AGAP1: variants seen among roughly 807,000 people sequenced by gnomAD.
AGAP1 encodes arf-GAP with GTPase, ANK repeat and PH domain-containing protein 1.
Under a neutral mutation model 105.3 loss-of-function variants are expected in AGAP1, and 29 were observed. The observed-to-expected ratio is 0.28, with a 90% CI of 0.21 to 0.38. AGAP1 has a LOEUF of 0.38. Among genes scored for constraint, AGAP1 ranks in the 10% least tolerant of loss-of-function variants. The pLI is 1.00. For synonymous variants in AGAP1, 509 were observed against 485.9 expected, an observed-to-expected ratio of 1.05 and a Z score of -0.63; for missense variants, 998 against 1,165.1, an observed-to-expected ratio of 0.86 and a Z score of 2.09.
chr2:235,709,465 C>T (rs373126657), intron 2 of AGAP1, among the ~76,000 whole-genome samples: 17 of 152,144 alleles, frequency 1.1e-4, no homozygotes, highest in East Asian at 7.8e-4. Context: ...TCAGCCAGGG[C>T]GGTGTCTCAT....
At chr2:235,952,902 A>G (rs948474381) in intron 12 of AGAP1, among the ~76,000 whole-genome samples, 1 of 152,190 alleles carries the variant, frequency 6.6e-6, no homozygotes, top group Non-Finnish European at 1.5e-5. Context: ...AAGCTGCCCT[A>G]TGGGCTGGGC....
chr2:235,956,018 G>A (rs1327349357), intron 12 of AGAP1, among the ~76,000 whole-genome samples: 1 of 152,154 alleles, frequency 6.6e-6, no homozygotes, highest in African/African-American at 2.4e-5. Flanking sequence ...GATCAAAGAG[G>A]GCTCCTACAT....
In AGAP1 at chr2:235,740,701, C is replaced by T. The variant is rs1170949267; in HGVS notation, c.311-262C>T. 6.6e-6 allele frequency among the ~76,000 whole-genome samples: 1 copy of T among 152,214 alleles called. No individual in the cohort carries two copies. The highest frequency in any genetic ancestry group is 1.5e-5 in the Non-Finnish European group (1 of 68,042). On this transcript the variant is annotated intron_variant, in intron 3 of 17. Transcript: ENST00000304032. The surrounding 1 kb of genome is among the most constrained non-coding windows in gnomAD (Gnocchi z 5.7). ...ACATAGAAAGCCCACATGAGAAGTC[C>T]ACACTAATTGGCCACGAGTGTCTGG... is the stretch of plus-strand genomic sequence containing the variant.
chr2:235,863,548 G>A (rs1181058078), intron 9 of AGAP1, among the ~76,000 whole-genome samples: 1 of 152,222 alleles, frequency 6.6e-6, no homozygotes, highest in African/African-American at 2.4e-5. Flanking sequence ...TACAGGTACA[G>A]CCTCCTCTTT....
At position 235,625,470 on chromosome 2, in the gene AGAP1, TG is replaced by T. The variant is rs1269156877; in HGVS notation, c.164-83706del. ...AGGTGCCTTTCCTTTGGAGGGATGG[TG>T]GGTTTCAATGGTTTGAAAGAGAAAA... On this transcript the variant is annotated intron_variant, in intron 1 of 17. Coordinates refer to ENST00000304032, the MANE Select transcript of AGAP1 (RefSeq NM_001037131.3). This position sits in a 1 kb window ranked among gnomAD's most constrained non-coding sequence, Gnocchi z 4.0. 6.6e-6 allele frequency among the ~76,000 whole-genome samples: 1 copy of T among 152,172 alleles called. No individual in the cohort carries two copies. The highest frequency in any genetic ancestry group is 6.5e-5 in the Admixed American group (1 of 15,284).
chr2:235,934,551 A>G lies in AGAP1; in HGVS notation c.1483+3628A>G, dbSNP rs1225609791. ...AAAACGTGTTTATGAATGGATTTCA[A>G]GACTCAGCCTTGGCATAAACATTCC... On this transcript the variant is annotated intron_variant, in intron 12 of 17. Transcript: ENST00000304032. This position sits in a 1 kb window ranked among gnomAD's most constrained non-coding sequence, Gnocchi z 4.9. 6.6e-6 allele frequency among the ~76,000 whole-genome samples: 1 copy of G among 152,234 alleles called. No homozygotes were observed. Among genetic ancestry groups the G allele is most frequent in the African/African-American group, 2.4e-5 (1 of 41,458 alleles).
Position 235,719,134 on chromosome 2 carries a change from CTG to C in AGAP1, c.310+1493_310+1494del, listed in dbSNP as rs1263466907. ...AATCTACTTTCAGGGCCCTGCAACTCTGTGGATTTCAAGCTGGGACCACAGGA... is the reference window on the plus strand; with the variant it reads ...AATCTACTTTCAGGGCCCTGCAACTCTGGATTTCAAGCTGGGACCACAGGA... On this transcript the variant is annotated intron_variant, in intron 3 of 17. Transcript: ENST00000304032. The surrounding 1 kb of genome is among the most constrained non-coding windows in gnomAD (Gnocchi z 4.9). Among the ~76,000 whole-genome samples, 19 of 152,270 alleles carry C rather than the reference CTG, an allele frequency of 1.2e-4. No homozygotes were observed. Among genetic ancestry groups the C allele is most frequent in the African/African-American group, 3.9e-4 (16 of 41,544 alleles).
rs1232753771 is a variant in AGAP1, at chr2:235,953,602, A to G, written c.1484-14860A>G. Among the ~76,000 whole-genome samples the G allele has an allele frequency of 6.6e-6, 1 of 152,154 alleles. No individual in the cohort carries two copies. The highest frequency in any genetic ancestry group is 1.9e-4 in the East Asian group (1 of 5,182). ...ACTCCCTGTCTTGACAGACTTGATT[A>G]CGGAGCACCTATTTTGTGCATGGTG... On this transcript the variant is annotated intron_variant, in intron 12 of 17. Transcript: ENST00000304032. This position sits in a 1 kb window ranked among gnomAD's most constrained non-coding sequence, Gnocchi z 5.2.
At chr2:235,584,648 G>C (rs962115271) in intron 1 of AGAP1, among the ~76,000 whole-genome samples, 2 of 151,790 alleles carry the variant, frequency 1.3e-5, no homozygotes, top group Admixed American at 6.6e-5. Flanking sequence ...CGGCCCTGCA[G>C]ACACCTTGAT....
intron 12 of AGAP1, among the ~76,000 whole-genome samples, chr2:235,950,296 C>T (rs2053678208): frequency 6.6e-6 from 1 of 152,204 alleles, no homozygotes; most frequent in South Asian, 2.1e-4. Flanking sequence ...AGGACTTGGG[C>T]TGGTGAGCTA....
intron 9 of AGAP1, among the ~76,000 whole-genome samples, chr2:235,858,188 A>G (rs1559571231): frequency 6.6e-6 from 1 of 152,258 alleles, no homozygotes; most frequent in Non-Finnish European, 1.5e-5. Context: ...GGCGTATAAA[A>G]TCGTAATTCA....
At chr2:236,074,316 A>C (rs1180759973) in intron 16 of AGAP1, among the ~76,000 whole-genome samples, 1 of 151,720 alleles carries the variant, frequency 6.6e-6, no homozygotes, top group Non-Finnish European at 1.5e-5. Flanking sequence ...GATTCTCTCC[A>C]CTCCCTCCCC....
At chr2:235,657,763 C>T (rs1384634071) in intron 1 of AGAP1, among the ~76,000 whole-genome samples, 2 of 152,160 alleles carry the variant, frequency 1.3e-5, no homozygotes, top group South Asian at 2.1e-4. Context: ...GTTTTAAGTC[C>T]TAACCCCCAG....
chr2:235,619,625 G>C (rs1458666973), intron 1 of AGAP1, among the ~76,000 whole-genome samples: 1 of 152,158 alleles, frequency 6.6e-6, no homozygotes, highest in Non-Finnish European at 1.5e-5. Flanking sequence ...GAGAGAAGAG[G>C]CTCCCTGCAG....
At chr2:236,004,618 T>C (rs1378079047) in intron 13 of AGAP1, among the ~76,000 whole-genome samples, 1 of 152,248 alleles carries the variant, frequency 6.6e-6, no homozygotes, top group African/African-American at 2.4e-5. Context: ...CCGGAAGAAC[T>C]GGCATTGGTA....
intron 6 of AGAP1, among the ~76,000 whole-genome samples, chr2:235,791,339 G>A (rs114173796): frequency 0.016 from 2,361 of 152,278 alleles, 47 homozygotes; most frequent in African/African-American, 0.051. Context: ...ATTACAGCCG[G>A]TAGTGGCTTT....
Position 235,665,135 on chromosome 2 carries a change from TGAGCCCAG to T in AGAP1, c.164-44040_164-44033del, listed in dbSNP as rs66747269. On this transcript the variant is annotated intron_variant, in intron 1 of 17. Coordinates refer to ENST00000304032, the MANE Select transcript of AGAP1 (RefSeq NM_001037131.3). The surrounding 1 kb of genome is among the most constrained non-coding windows in gnomAD (Gnocchi z 5.3). ...CTATTCAGGAGGCAGGAGGATCACT[TGAGCCCAG>T]GAGTTCAAGGCTGTAGTGAGCTATG... Among the ~76,000 whole-genome samples the T allele has an allele frequency of 0.032, 4,840 of 152,204 alleles. 242 individuals are homozygous for T. Among genetic ancestry groups the T allele is most frequent in the African/African-American group, 0.11 (4,358 of 41,488 alleles).
At chr2:235,628,729 G>T (rs901099675) in intron 1 of AGAP1, among the ~76,000 whole-genome samples, 2 of 152,048 alleles carry the variant, frequency 1.3e-5, no homozygotes, top group African/African-American at 4.8e-5. Context: ...CACCCAAGCA[G>T]TGTACACTGC....
At chr2:236,010,126 AAAAC>A (rs1478703219) in intron 13 of AGAP1, among the ~76,000 whole-genome samples, 24 of 152,186 alleles carry the variant, frequency 1.6e-4, no homozygotes, top group Admixed American at 3.9e-4. Flanking sequence ...AAAAAAAAAA[AAAAC>A]AAAAAACTTT....
Sources: gnomAD v4.1 joint callset for allele counts (sites outside exome capture counted in the v4.1 genomes callset) on GRCh38, gnomAD v4.1.1 for gene constraint, Gnocchi (gnomAD v3.1) non-coding constraint, MANE v1.5 for transcripts, NCBI Gene and HGNC (gene_info 2026-07-23, HGNC 2026-07-21) for gene names.